The following SELENOO variants were observed in gnomAD, a reference collection of about 807,000 sequenced individuals.
The protein encoded by SELENOO is protein adenylyltransferase SelO, mitochondrial.
In SELENOO, 74 loss-of-function variants were observed where a neutral mutation model predicts 58.7. The ratio of observed to expected loss-of-function variants is 1.26; its 90% CI spans 1.04 to 1.53. The LOEUF is 1.53. Among genes scored for constraint, SELENOO ranks in the 40% most tolerant of loss-of-function variants. The probability of loss-of-function intolerance (pLI) is 0.00; values close to 1 mark genes in which losing one functional copy is unlikely to be tolerated. For missense variants in SELENOO, 1,149 were observed against 970.0 expected (o/e 1.18, Z -2.45); for synonymous variants, 543 against 453.2 (o/e 1.20, Z -2.52).
intron 5 of SELENOO, among the ~76,000 whole-genome samples, chr22:50,214,057 GCTTT>G (rs1204618919): frequency 3.3e-5 from 5 of 152,248 alleles, no homozygotes; most frequent in African/African-American, 9.6e-5. Context: ...ACATTTTTGG[GCTTT>G]CTTATTGGGT....
At chr22:50,204,657 G>A (rs549856498) in intron 1 of SELENOO, among the ~76,000 whole-genome samples, 8 of 152,070 alleles carry the variant, frequency 5.3e-5, no homozygotes, top group African/African-American at 1.4e-4. Flanking sequence ...AAAGTGTTGC[G>A]GCTGTGGAGA....
Position 50,201,571 on chromosome 22 carries a change from G to T in SELENOO, c.535G>T (p.Gly179Trp). 1 of 1,353,068 alleles carries T rather than the reference G, an allele frequency of 7.4e-7. No individual in the cohort carries two copies. Among genetic ancestry groups the T allele is most frequent in the Non-Finnish European group, 9.6e-7 (1 of 1,046,800 alleles). 83.8% of individuals were successfully genotyped at this position (1,353,068 alleles called of 1,614,324 possible). Residue 179 changes from glycine to tryptophan, a missense_variant, in exon 1 of 9, where the codon GGG (glycine) becomes TGG (tryptophan). Physicochemically the swap from Gly to Trp is radical, Grantham distance 184. Coordinates refer to ENST00000380903, the MANE Select transcript of SELENOO (RefSeq NM_031454.2). ...ERWELQLKGAGPTPFSRQADG... is the reference protein window; with the variant it reads ...ERWELQLKGAWPTPFSRQADG... ...CTGGGAGCTGCAGCTCAAGGGCGCC[G>T]GGCCCACGCCCTTCTCCAGGTGGGC...
intron 2 of SELENOO, 125 bp from the exon 3 acceptor site, chr22:50,208,411 C>CAAGA (rs1197743746): frequency 3.6e-6 from 3 of 838,662 alleles, no homozygotes; most frequent in Non-Finnish European, 5.3e-6. Flanking sequence ...GCCTGGACAA[C>CAAGA]AAGAGTGAGA....
rs1569102725 is a variant in SELENOO at position 50,210,297 on chromosome 22, T to C, written c.1056T>C (p.Phe352=). ...ILGLTIDYGP[F]GFLDRYDPDH... ...GGCTCACCATCGACTACGGGCCCTT[T>C]GGCTTCCTGGACAGGTAAGTGGCCC... The change falls in exon 4 of 9, where the codon TTT becomes TTC. Residue 352 remains phenylalanine (F), a synonymous_variant. Coordinates refer to ENST00000380903, the MANE Select transcript of SELENOO (RefSeq NM_031454.2). 6.2e-7 allele frequency: 1 copy of C among 1,612,960 alleles called. No homozygotes were observed. The highest frequency in any genetic ancestry group is 1.1e-5 in the South Asian group (1 of 91,066).
In SELENOO at chr22:50,206,538, TC is replaced by T. The variant is rs750709980; in HGVS notation, c.758+19del. The T allele has an allele frequency of 2.5e-6, 4 of 1,602,364 alleles. 1 individual carries two copies. The highest frequency in any genetic ancestry group is 2.2e-5 in the South Asian group (2 of 89,602). On this transcript the variant is annotated intron_variant, in intron 2 of 8. Coordinates refer to ENST00000380903, the MANE Select transcript of SELENOO (RefSeq NM_031454.2). ...TTCATAAGGTAATGCCGGGGGCCTTTCGGCCTGTCTACACGCACTTGCTTAG... is the reference window on the plus strand; with the variant it reads ...TTCATAAGGTAATGCCGGGGGCCTTTGGCCTGTCTACACGCACTTGCTTAG...
At chr22:50,203,387 C>A (rs1467444187) in intron 1 of SELENOO, among the ~76,000 whole-genome samples, 1 of 152,094 alleles carries the variant, frequency 6.6e-6, no homozygotes, top group Non-Finnish European at 1.5e-5. Context: ...AAAAGTAATA[C>A]AATTCATATG....
At chr22:50,213,280 C>CG (rs1369244175) in intron 5 of SELENOO, among the ~76,000 whole-genome samples, 1 of 152,138 alleles carries the variant, frequency 6.6e-6, no homozygotes, top group Non-Finnish European at 1.5e-5. Context: ...AGGCTGGTCT[C>CG]CAACACCTGA....
chr22:50,217,472 C>T lies in SELENOO; in HGVS notation c.*103C>T. On this transcript the variant is annotated 3_prime_UTR_variant, in exon 9 of 9. Coordinates refer to ENST00000380903, the MANE Select transcript of SELENOO (RefSeq NM_031454.2). ...TGCCCTATACACTGGGGGATTCTGC[C>T]CTGGCCCATGCACACCCGTCTTTCC... 18 of 1,383,784 alleles carry T rather than the reference C, an allele frequency of 1.3e-5. No individual in the cohort carries two copies. Among genetic ancestry groups the T allele is most frequent in the Non-Finnish European group, 1.8e-5 (18 of 1,013,430 alleles). 85.7% of individuals were successfully genotyped at this position (1,383,784 alleles called of 1,614,324 possible). A position where few individuals can be genotyped will look rare whatever the true frequency, so the allele number is the denominator to read the frequency against.
At position 50,217,539 on chromosome 22, in the gene SELENOO, T is replaced by G; in HGVS notation, c.*170T>G. On this transcript the variant is annotated 3_prime_UTR_variant, in exon 9 of 9. Coordinates refer to ENST00000380903, the MANE Select transcript of SELENOO (RefSeq NM_031454.2). ...CCAGTCAGGACCTGACCCGTCTCTGTCTGAGGCCGGCTCAGCAGTGCAGCC... is the reference window on the plus strand; with the variant it reads ...CCAGTCAGGACCTGACCCGTCTCTGGCTGAGGCCGGCTCAGCAGTGCAGCC... 1 of 1,030,074 alleles carries G rather than the reference T, an allele frequency of 9.7e-7. No individual in the cohort carries two copies. Among genetic ancestry groups the G allele is most frequent in the Non-Finnish European group, 1.4e-6 (1 of 716,456 alleles). The allele number at this position is 1,030,074 out of a possible 1,614,324, so 63.8% of individuals were successfully genotyped here.
chr22:50,210,419 C>T (rs2064360997), intron 4 of SELENOO, 108 bp downstream of exon 4: 8 of 1,451,102 alleles, frequency 5.5e-6, no homozygotes, highest in South Asian at 1.3e-5. Flanking sequence ...GAGGGGGAGC[C>T]GAGGGGGCTG....
At chr22:50,204,381 C>A (rs2064319410) in intron 1 of SELENOO, among the ~76,000 whole-genome samples, 1 of 152,150 alleles carries the variant, frequency 6.6e-6, no homozygotes, top group African/African-American at 2.4e-5. Flanking sequence ...AATCCCAGCA[C>A]TTTGGGAGGC....
Position 50,201,086 on chromosome 22 carries a change from T to C in SELENOO, c.50T>C (p.Leu17Pro), listed in dbSNP as rs1262808819. 9 of 1,367,344 alleles carry C rather than the reference T, an allele frequency of 6.6e-6. No individual in the cohort carries two copies. Among genetic ancestry groups the C allele is most frequent in the Non-Finnish European group, 8.5e-6 (9 of 1,060,012 alleles). The allele number at this position is 1,367,344 out of a possible 1,614,324, so 84.7% of individuals were successfully genotyped here. A position where few individuals can be genotyped will look rare whatever the true frequency, so the allele number is the denominator to read the frequency against. ...ALGASLAAAR[L>P]LPLGRCSPSP... is the part of the protein sequence containing the mutation. ...GGGGCTTCGCTCGCGGCTGCCCGAC[T>C]CTTGCCCCTCGGTCGCTGTTCCCCG... The change falls in exon 1 of 9, where the codon CTC (leucine) becomes CCC (proline). Residue 17 changes from leucine (L) to proline (P), a missense_variant. By Grantham distance (98) the Leu-to-Pro change is moderately conservative. Coordinates refer to ENST00000380903, the MANE Select transcript of SELENOO (RefSeq NM_031454.2).
intron 2 of SELENOO, 46 bp downstream of exon 2, chr22:50,206,566 G>A: frequency 6.6e-7 from 1 of 1,523,242 alleles, no homozygotes; most frequent in Non-Finnish European, 8.9e-7. Context: ...CTTGCTTAGA[G>A]TCCTAGGAGA....
rs1368329750 is a variant in SELENOO at position 50,201,020 on chromosome 22, C to G, written c.-17C>G. ...CCGGGCGGGGCAGGCTGGCTTCCGGCGGGAGCGGGGCCGCGGATGGCCGTA... is the reference window on the plus strand; with the variant it reads ...CCGGGCGGGGCAGGCTGGCTTCCGGGGGGAGCGGGGCCGCGGATGGCCGTA... On this transcript the variant is annotated 5_prime_UTR_variant, in exon 1 of 9. Coordinates refer to ENST00000380903, the MANE Select transcript of SELENOO (RefSeq NM_031454.2). The G allele has an allele frequency of 1.6e-6, 2 of 1,240,816 alleles. No homozygotes were observed. The highest frequency in any genetic ancestry group is 2.0e-6 in the Non-Finnish European group (2 of 991,232). 76.9% of individuals were successfully genotyped at this position (1,240,816 alleles called of 1,614,324 possible).
At chr22:50,213,962 CATT>C (rs1165485691) in intron 5 of SELENOO, among the ~76,000 whole-genome samples, 1 of 152,048 alleles carries the variant, frequency 6.6e-6, no homozygotes, top group Non-Finnish European at 1.5e-5. Context: ...ATGGTCTATC[CATT>C]ATTAAGTGGT....
At chr22:50,206,778 G>A (rs994612213) in intron 2 of SELENOO, among the ~76,000 whole-genome samples, 2 of 152,192 alleles carry the variant, frequency 1.3e-5, no homozygotes, top group South Asian at 2.1e-4. Context: ...CCACGTGCCC[G>A]GCCAGGCCCT....
chr22:50,212,849 A>C (rs6010207), intron 5 of SELENOO, among the ~76,000 whole-genome samples: 1 of 64,210 alleles, frequency 1.6e-5, no homozygotes, highest in Non-Finnish European at 3.2e-5. Context: ...TCTTCAGTCT[A>C]TTGTCTCCCT....
At chr22:50,216,655 A>T in intron 6 of SELENOO, 36 bp from the exon 7 acceptor site, 1 of 1,540,540 alleles carries the variant, frequency 6.5e-7, no homozygotes. Context: ...GGACACGGTC[A>T]GGGGCTACCT....
In SELENOO at chr22:50,210,664, C is replaced by T. The variant is rs1299524092; in HGVS notation, c.1104C>T (p.Asp368=). ...YDPDHVCNAS[D]NTGRYAYSKQ... ...CCGACCACGTGTGCAATGCCTCCGACAACACCGGCCGCTACGCGTACAGCA... is the reference window on the plus strand; with the variant it reads ...CCGACCACGTGTGCAATGCCTCCGATAACACCGGCCGCTACGCGTACAGCA... The change falls in exon 5 of 9, where the codon GAC becomes GAT. Residue 368 remains aspartate, a synonymous_variant. Coordinates refer to ENST00000380903, the MANE Select transcript of SELENOO (RefSeq NM_031454.2). 2 of 1,613,052 alleles carry T rather than the reference C, an allele frequency of 1.2e-6. No individual in the cohort carries two copies. The highest frequency in any genetic ancestry group is 1.7e-4 in the Middle Eastern group (1 of 6,058).
Sources: allele counts gnomAD v4.1 joint callset (sites outside exome capture counted in the v4.1 genomes callset), GRCh38; gene constraint gnomAD v4.1.1; transcripts MANE v1.5; gene names NCBI Gene and HGNC (gene_info 2026-07-23, HGNC 2026-07-21).